FHIP1A: variants seen among roughly 807,000 people sequenced by gnomAD.
FHIP1A encodes FHF complex subunit HOOK interacting protein 1A, also known as FHF complex subunit HOOK-interacting protein 1A.
A neutral mutation model predicts 88.6 loss-of-function variants in FHIP1A; 61 were observed. The ratio of observed to expected loss-of-function variants is 0.69; its 90% CI spans 0.56 to 0.85. The LOEUF is 0.85. FHIP1A is among the 40% of genes least tolerant of loss of function. The pLI is 0.00. For synonymous variants in FHIP1A, 478 were observed against 496.0 expected, an observed-to-expected ratio of 0.96 and a Z score of 0.48; for missense variants, 1,154 against 1,273.5, an observed-to-expected ratio of 0.91 and a Z score of 1.43.
At chr4:151,531,553 A>G (rs1731879285) in intron 3 of FHIP1A, among the ~76,000 whole-genome samples, 2 of 151,910 alleles carry the variant, frequency 1.3e-5, no homozygotes, top group Non-Finnish European at 2.9e-5. Context: ...TCTGTTAGAA[A>G]GTAAAATTTT....
rs1160830845 is a variant in FHIP1A, at chr4:151,538,981, G to C, written c.-122-27157G>C. On this transcript the variant is annotated intron_variant, in intron 3 of 13. Transcript: ENST00000435205. ...TGCAAATCTCTTTGTCAATTTTCTT[G>C]TAAGTGTGCTGCTCAAGGCCAGTAT... 2.6e-5 allele frequency among the ~76,000 whole-genome samples: 4 copies of C among 152,304 alleles called. No individual in the cohort carries two copies. In the South Asian group the frequency reaches 8.3e-4, roughly 32 times the overall value.
Position 151,649,784 on chromosome 4 carries a change from C to G in FHIP1A, c.1743C>G (p.Asp581Glu). The G allele has an allele frequency of 6.4e-7, 1 of 1,551,680 alleles. No individual in the cohort carries two copies. Among genetic ancestry groups the G allele is most frequent in the Non-Finnish European group, 8.7e-7 (1 of 1,146,974 alleles). ...DKSQTELEWD[D>E]SYDTGISSGA... ...GCCAGACAGAGCTGGAATGGGATGA[C>G]AGCTATGACACTGGAATCTCCTCAG... Residue 581 changes from aspartate to glutamate, a missense_variant, in exon 11 of 14, where the codon GAC (aspartate) becomes GAG (glutamate). Coordinates refer to ENST00000435205, the MANE Select transcript of FHIP1A (RefSeq NM_001109977.3).
chr4:151,455,421 G>C lies in FHIP1A; in HGVS notation c.-248+613G>C, dbSNP rs1233653249. Among the ~76,000 whole-genome samples, 7 of 152,176 alleles carry C rather than the reference G, an allele frequency of 4.6e-5. No homozygotes were observed. The East Asian group carries it at 1.3e-3, about 29-fold the overall frequency. ...GCAGGTCATCCCTCAGCAGGGATCA[G>C]CTACTCCTGCCTCCTACTGTTTGCT... On this transcript the variant is annotated intron_variant, in intron 2 of 13. Transcript: ENST00000435205.
At chr4:151,526,414 G>C (rs1181828069) in intron 3 of FHIP1A, among the ~76,000 whole-genome samples, 6 of 148,762 alleles carry the variant, frequency 4.0e-5, no homozygotes, top group East Asian at 2.1e-4. Context: ...CTCCCGGACC[G>C]GGGTGGCTGG....
chr4:151,448,783 C>A (rs1724544075), intron 1 of FHIP1A, among the ~76,000 whole-genome samples: 1 of 151,970 alleles, frequency 6.6e-6, no homozygotes, highest in African/African-American at 2.4e-5. Flanking sequence ...TTTATGAGTC[C>A]CCACTTTCAC....
intron 7 of FHIP1A, among the ~76,000 whole-genome samples, chr4:151,594,754 T>C (rs1440469520): frequency 6.6e-5 from 10 of 152,082 alleles, no homozygotes; most frequent in African/African-American, 2.4e-4. Context: ...TTTGTATTTT[T>C]AGTAGAGACA....
chr4:151,580,468 A>G (rs532553829), intron 5 of FHIP1A, among the ~76,000 whole-genome samples: 49 of 152,342 alleles, frequency 3.2e-4, no homozygotes, highest in African/African-American at 1.2e-3. Flanking sequence ...CAGAGTAGTA[A>G]GTATTAAGTG....
intron 3 of FHIP1A, among the ~76,000 whole-genome samples, chr4:151,525,632 C>T (rs1310809786): frequency 6.6e-6 from 1 of 152,062 alleles, no homozygotes; most frequent in Non-Finnish European, 1.5e-5. Flanking sequence ...TTCATTGTGG[C>T]ATAATGAGGA....
chr4:151,600,793 T>C (rs1734840366), intron 7 of FHIP1A, among the ~76,000 whole-genome samples: 2 of 152,090 alleles, frequency 1.3e-5, no homozygotes, highest in African/African-American at 4.8e-5. Flanking sequence ...CAGCCTCCGG[T>C]AATTGGATTC....
intron 3 of FHIP1A, among the ~76,000 whole-genome samples, chr4:151,526,335 CG>C (rs1393333057): frequency 6.6e-6 from 1 of 151,518 alleles, no homozygotes; most frequent in Non-Finnish European, 1.5e-5. Context: ...TAGGGGCGGC[CG>C]GGCAGAGGCG....
chr4:151,588,803 T>C (rs1463047196), intron 6 of FHIP1A, 37 bp from the exon 7 acceptor site: 2 of 1,262,924 alleles, frequency 1.6e-6, no homozygotes, highest in South Asian at 1.3e-5. Context: ...AAGATTGAAC[T>C]CTTTGCCTTT....
intron 4 of FHIP1A, among the ~76,000 whole-genome samples, chr4:151,567,070 A>AT (rs1001696566): frequency 1.2e-4 from 18 of 152,120 alleles, no homozygotes; most frequent in South Asian, 6.2e-4. Flanking sequence ...TGATTATAAA[A>AT]TTTTTTTTGA....
intron 3 of FHIP1A, among the ~76,000 whole-genome samples, chr4:151,554,366 T>G (rs1033002622): frequency 1.3e-5 from 2 of 152,192 alleles, no homozygotes; most frequent in African/African-American, 4.8e-5. Context: ...TCTTGGGCTC[T>G]TGGATTAAAT....
chr4:151,427,306 G>A (rs978932610), intron 1 of FHIP1A, among the ~76,000 whole-genome samples: 1 of 151,988 alleles, frequency 6.6e-6, no homozygotes, highest in Non-Finnish European at 1.5e-5. Context: ...TATTGAGTTT[G>A]TTTCTTTCCA....
At chr4:151,596,166 T>G (rs1734640135) in intron 7 of FHIP1A, among the ~76,000 whole-genome samples, 1 of 152,178 alleles carries the variant, frequency 6.6e-6, no homozygotes, top group Non-Finnish European at 1.5e-5. Context: ...CTGGTTTTGG[T>G]TTTTCTTTCT....
At chr4:151,651,377 C>T (rs188380054) in intron 11 of FHIP1A, among the ~76,000 whole-genome samples, 13 of 152,258 alleles carry the variant, frequency 8.5e-5, no homozygotes, top group Admixed American at 6.5e-4. Flanking sequence ...CAGAGGGAAT[C>T]GCCATAGATG....
rs1452714336 is a variant in FHIP1A, at chr4:151,656,705, C to G, written c.2731-55C>G. 4 of 1,514,166 alleles carry G rather than the reference C, an allele frequency of 2.6e-6. No individual in the cohort carries two copies. The highest frequency in any genetic ancestry group is 3.6e-6 in the Non-Finnish European group (4 of 1,122,906). The allele number at this position is 1,514,166 out of a possible 1,614,324, so 93.8% of individuals were successfully genotyped here. A position where few individuals can be genotyped will look rare whatever the true frequency, so the allele number is the denominator to read the frequency against. On this transcript the variant is annotated intron_variant, in intron 12 of 13. Coordinates refer to ENST00000435205, the MANE Select transcript of FHIP1A (RefSeq NM_001109977.3). This position sits in a 1 kb window ranked among gnomAD's most constrained non-coding sequence, Gnocchi z 4.2. The stretch of plus-strand genomic sequence containing the variant: ...TGCTACCTGCAAGATATATTGATAA[C>G]TGGGAGTGGAATTTCATGGTGAGGC...
At chr4:151,429,572 T>C (rs1478726673) in intron 1 of FHIP1A, among the ~76,000 whole-genome samples, 1 of 152,090 alleles carries the variant, frequency 6.6e-6, no homozygotes, top group African/African-American at 2.4e-5. Context: ...AAAAATAATA[T>C]CCACGGTGGC....
At chr4:151,661,724 T>A (rs1737463963) in intron 13 of FHIP1A, among the ~76,000 whole-genome samples, 1 of 152,208 alleles carries the variant, frequency 6.6e-6, no homozygotes, top group South Asian at 2.1e-4. Flanking sequence ...GATAGGAAAA[T>A]GCAAATCACT....
Sources: gnomAD v4.1 joint callset for allele counts (sites outside exome capture counted in the v4.1 genomes callset) on GRCh38, gnomAD v4.1.1 for gene constraint, Gnocchi (gnomAD v3.1) non-coding constraint, MANE v1.5 for transcripts, NCBI Gene and HGNC (gene_info 2026-07-23, HGNC 2026-07-21) for gene names.